SMAD4: variants seen among roughly 807,000 people sequenced by gnomAD.
SMAD4 encodes the protein SMAD family member 4.
A neutral mutation model predicts 63.2 loss-of-function variants in SMAD4; 7 were observed. That is an observed-to-expected ratio of 0.11 (90% CI 0.06 to 0.21). The LOEUF is 0.21. Ranked by LOEUF, SMAD4 falls within the 10% of genes least tolerant of loss-of-function variation. The pLI, the probability that SMAD4 is intolerant of heterozygous loss-of-function variation, is 1.00. For missense variants in SMAD4, 312 were observed against 693.8 expected, an observed-to-expected ratio of 0.45 and a Z score of 6.18; for synonymous variants, 215 against 235.4, an observed-to-expected ratio of 0.91 and a Z score of 0.79.
chr18:51,062,514 AT>A (rs1205151817), intron 8 of SMAD4, among the ~76,000 whole-genome samples: 1 of 150,698 alleles, frequency 6.6e-6, no homozygotes, highest in Admixed American at 6.6e-5. Context: ...TTATTTATTT[AT>A]TTTGAGATGA....
intron 10 of SMAD4, among the ~76,000 whole-genome samples, chr18:51,068,862 G>A (rs1408718096): frequency 2.6e-5 from 4 of 152,036 alleles, no homozygotes; most frequent in African/African-American, 7.2e-5. Context: ...TCAAGGCTGC[G>A]GAGAGCCATG....
At chr18:51,061,667 A>G (rs1910018857) in intron 8 of SMAD4, among the ~76,000 whole-genome samples, 1 of 152,188 alleles carries the variant, frequency 6.6e-6, no homozygotes, top group Non-Finnish European at 1.5e-5. Context: ...GTAATGACCA[A>G]TCTTGTTTCA....
rs1909703520 is a variant in SMAD4, at chr18:51,051,253, G to T, written c.454+1929G>T. 4 of 403,258 alleles carry T rather than the reference G, an allele frequency of 9.9e-6. No homozygotes were observed. The Admixed American group carries it at 1.3e-4, about 13-fold the overall frequency. The allele number at this position is 403,258 out of a possible 1,614,324, so 25.0% of individuals were successfully genotyped here. ...CACTGTTATTGATGGGATTGTACGGGTTGATAGCCTTTCTATAGTGACTGT... is the reference window on the plus strand; with the variant it reads ...CACTGTTATTGATGGGATTGTACGGTTTGATAGCCTTTCTATAGTGACTGT... On this transcript the variant is annotated intron_variant, in intron 4 of 11. Transcript: ENST00000342988.
At chr18:51,063,171 G>A (rs930022985) in intron 8 of SMAD4, among the ~76,000 whole-genome samples, 4 of 151,652 alleles carry the variant, frequency 2.6e-5, no homozygotes, top group Admixed American at 2.0e-4. Flanking sequence ...TTTTTACCTA[G>A]CTTTATAAAT....
chr18:51,064,311 A>G (rs1599194523), intron 8 of SMAD4, among the ~76,000 whole-genome samples: 1 of 152,310 alleles, frequency 6.6e-6, no homozygotes. Context: ...TTCAGATGGG[A>G]TGTCCCCTAC....
chr18:51,080,973 A>G lies in SMAD4; in HGVS notation c.*2506A>G, dbSNP rs1035805110. 4.9e-6 allele frequency: 1 copy of G among 202,082 alleles called. No homozygotes were observed. Among genetic ancestry groups the G allele is most frequent in the East Asian group, 7.7e-5 (1 of 12,974 alleles). The allele number at this position is 202,082 out of a possible 1,614,324, so 12.5% of individuals were successfully genotyped here. A position where few individuals can be genotyped will look rare whatever the true frequency, so the allele number is the denominator to read the frequency against. ...TCTTGGTTTCTTTCTACTAAGAGCCATAAAGTATAGAAATACTTCTAGTTG... is the reference window on the plus strand; with the variant it reads ...TCTTGGTTTCTTTCTACTAAGAGCCGTAAAGTATAGAAATACTTCTAGTTG... On this transcript the variant is annotated 3_prime_UTR_variant, in exon 12 of 12. Transcript: ENST00000342988.
At chr18:51,033,607 A>T (rs1909116687) in intron 1 of SMAD4, among the ~76,000 whole-genome samples, 1 of 152,238 alleles carries the variant, frequency 6.6e-6, no homozygotes, top group African/African-American at 2.4e-5. Flanking sequence ...AAATATATCT[A>T]GATATATTCA....
chr18:51,052,601 C>G (rs893326137), intron 4 of SMAD4: 7 of 278,984 alleles, frequency 2.5e-5, no homozygotes, highest in Non-Finnish European at 5.0e-5. Context: ...AAAATATATA[C>G]TATATGTTTT....
chr18:51,032,618 A>G lies in SMAD4; in HGVS notation c.-128+1995A>G, dbSNP rs869312651. 6.6e-6 allele frequency among the ~76,000 whole-genome samples: 1 copy of G among 152,138 alleles called. No individual in the cohort carries two copies. Among genetic ancestry groups the G allele is most frequent in the Non-Finnish European group, 1.5e-5 (1 of 68,034 alleles). On this transcript the variant is annotated intron_variant, in intron 1 of 11. Transcript: ENST00000342988. ...CAGTTTTTCTTTCTCCCCGCAAATTAAGGAGCGAGAATTAACCTAATTTAT... is the reference window on the plus strand; with the variant it reads ...CAGTTTTTCTTTCTCCCCGCAAATTGAGGAGCGAGAATTAACCTAATTTAT...
At position 51,078,269 on chromosome 18, in the gene SMAD4, T is replaced by A. The variant is rs769607309; in HGVS notation, c.1461T>A (p.Ala487=). The A allele has an allele frequency of 3.0e-5, 48 of 1,614,112 alleles. No individual in the cohort carries two copies. Among genetic ancestry groups the A allele is most frequent in the Non-Finnish European group, 3.7e-5 (44 of 1,180,026 alleles). ...GIAPAISLSA[A]AGIGVDDLRR... is the part of the protein sequence containing the mutation. ...CTTTTCTGTTAGGTCTGTCAGCTGC[T>A]GCTGGAATTGGTGTTGATGACCTTC... Residue 487 remains alanine (A), a synonymous_variant, in exon 12 of 12, where the codon GCT becomes GCA. Coordinates refer to ENST00000342988, the MANE Select transcript of SMAD4 (RefSeq NM_005359.6).
intron 4 of SMAD4, 82 bp from the exon 5 acceptor site, chr18:51,054,699 A>G: frequency 2.3e-6 from 2 of 878,884 alleles, no homozygotes; most frequent in Non-Finnish European, 3.7e-6. Context: ...TTTAGGTGTT[A>G]TTATATTACT....
At position 51,064,764 on chromosome 18, in the gene SMAD4, C is replaced by G. The variant is rs528217924; in HGVS notation, c.956-659C>G. Among the ~76,000 whole-genome samples, 112 of 152,244 alleles carry G rather than the reference C, an allele frequency of 7.4e-4. 1 individual carries two copies. In the South Asian group the frequency reaches 0.011, roughly 14 times the overall value. On this transcript the variant is annotated intron_variant, in intron 8 of 11. Coordinates refer to ENST00000342988, the MANE Select transcript of SMAD4 (RefSeq NM_005359.6). ...ACATGACCTGACTTCACTAAAAATA[C>G]CTTTTGCTATGGCATAGGTGGGACA... is the stretch of plus-strand genomic sequence containing the variant.
chr18:51,048,347 A>G (rs1469784929), intron 2 of SMAD4, among the ~76,000 whole-genome samples: 2 of 152,008 alleles, frequency 1.3e-5, no homozygotes, highest in African/African-American at 4.8e-5. Context: ...TGTGGAGACA[A>G]GGGTCTTGCC....
chr18:51,038,665 C>A (rs1411145925), intron 1 of SMAD4, among the ~76,000 whole-genome samples: 1 of 152,126 alleles, frequency 6.6e-6, no homozygotes, highest in African/African-American at 2.4e-5. Context: ...TTAAGCTAGG[C>A]ATTAAGAGAA....
intron 10 of SMAD4, among the ~76,000 whole-genome samples, chr18:51,071,660 T>C (rs1910321086): frequency 1.3e-5 from 2 of 152,284 alleles, no homozygotes; most frequent in East Asian, 3.9e-4. Flanking sequence ...CCCATTTAAA[T>C]TGGACAATTC....
chr18:51,031,015 A>G (rs774601587), intron 1 of SMAD4, among the ~76,000 whole-genome samples: 2 of 152,092 alleles, frequency 1.3e-5, no homozygotes, highest in African/African-American at 2.4e-5. Flanking sequence ...TTGTTTGTCT[A>G]AATTTATTTT....
chr18:51,061,001 A>G (rs186237286), intron 8 of SMAD4, among the ~76,000 whole-genome samples: 2 of 152,046 alleles, frequency 1.3e-5, no homozygotes, highest in Admixed American at 1.3e-4. Flanking sequence ...AGCCTCCCAA[A>G]GTGCTGGGAT....
intron 1 of SMAD4, chr18:51,044,827 GACT>G (rs1182200664): frequency 1.3e-5 from 2 of 152,074 alleles, no homozygotes; most frequent in African/African-American, 4.8e-5. Flanking sequence ...TTCATTTTCT[GACT>G]ACTATGAAAA....
Position 51,046,906 on chromosome 18 carries a change from T to C in SMAD4, c.-127-14T>C, listed in dbSNP as rs559274401. Reference sequence around the variant, plus strand: ...TGTGTTCTGATGTGTGTCTTTTTTTTTTTTCTTTTTTAGGTTATCCTGAAT... The same window carrying C: ...TGTGTTCTGATGTGTGTCTTTTTTTCTTTTCTTTTTTAGGTTATCCTGAAT... On this transcript the variant is annotated splice_polypyrimidine_tract_variant and intron_variant, in intron 1 of 11. Coordinates refer to ENST00000342988, the MANE Select transcript of SMAD4 (RefSeq NM_005359.6). 8.1e-5 allele frequency: 56 copies of C among 691,048 alleles called. No individual in the cohort carries two copies. Among genetic ancestry groups the C allele is most frequent in the Middle Eastern group, 3.8e-4 (1 of 2,612 alleles). 42.8% of individuals were successfully genotyped at this position (691,048 alleles called of 1,614,324 possible).
Sources: allele counts gnomAD v4.1 joint callset (sites outside exome capture counted in the v4.1 genomes callset), GRCh38; gene constraint gnomAD v4.1.1; transcripts MANE v1.5; gene names NCBI Gene and HGNC (gene_info 2026-07-23, HGNC 2026-07-21).